STPG2: variants seen among roughly 807,000 people sequenced by gnomAD.
The protein encoded by STPG2 is sperm tail PG-rich repeat containing 2.
STPG2 carries 56 observed loss-of-function variants against 54.2 expected under a neutral mutation model. That is an observed-to-expected ratio of 1.03 (90% confidence interval 0.83 to 1.29). The LOEUF (loss-of-function observed/expected upper bound fraction) is 1.29, where lower values mean the gene tolerates loss of function less well. Ranked by LOEUF, STPG2 falls within the 50% of genes most tolerant of loss-of-function variation. The pLI, the probability that STPG2 is intolerant of heterozygous loss-of-function variation, is 0.00. For synonymous variants in STPG2, 200 were observed against 181.8 expected (o/e 1.10, Z -0.81); for missense variants, 596 against 544.9 (o/e 1.09, Z -0.93).
chr4:97,843,476 C>G (rs1195740476), intron 8 of STPG2, among the ~76,000 whole-genome samples: 2 of 151,900 alleles, frequency 1.3e-5, no homozygotes, highest in African/African-American at 4.8e-5. Context: ...TGTTTTCTGA[C>G]ACATAAGGAG....
intron 8 of STPG2, among the ~76,000 whole-genome samples, chr4:97,862,940 C>A (rs1180932362): frequency 6.6e-6 from 1 of 152,042 alleles, no homozygotes; most frequent in African/African-American, 2.4e-5. Context: ...GGGACACATT[C>A]AAAGCAGTGT....
intron 10 of STPG2, among the ~76,000 whole-genome samples, chr4:97,647,464 C>A (rs1721943083): frequency 6.6e-6 from 1 of 152,136 alleles, no homozygotes; most frequent in Non-Finnish European, 1.5e-5. Context: ...CTACTGCAGC[C>A]TACCTCCATC....
At chr4:97,589,849 C>A (rs1480787935) in intron 10 of STPG2, among the ~76,000 whole-genome samples, 1 of 152,162 alleles carries the variant, frequency 6.6e-6, no homozygotes, top group Non-Finnish European at 1.5e-5. Flanking sequence ...ACACTTACCA[C>A]TGTGTTACAA....
chr4:97,995,273 C>A (rs1735167746), intron 5 of STPG2, among the ~76,000 whole-genome samples: 1 of 151,192 alleles, frequency 6.6e-6, no homozygotes, highest in Admixed American at 6.6e-5. Flanking sequence ...AGAAAGCAAG[C>A]TGACTCACAG....
At chr4:97,579,384 T>C (rs1419091015) in intron 10 of STPG2, among the ~76,000 whole-genome samples, 1 of 152,058 alleles carries the variant, frequency 6.6e-6, no homozygotes, top group Non-Finnish European at 1.5e-5. Flanking sequence ...TTTCTAAGCA[T>C]CTTAGAAAAA....
intron 10 of STPG2, among the ~76,000 whole-genome samples, chr4:97,701,672 A>G (rs1001294918): frequency 2.6e-5 from 4 of 152,082 alleles, no homozygotes; most frequent in African/African-American, 4.8e-5. Flanking sequence ...TGTCCATTCA[A>G]CCTAGAAGGT....
chr4:98,137,614 A>G (rs1010733332), intron 1 of STPG2, among the ~76,000 whole-genome samples: 1 of 151,850 alleles, frequency 6.6e-6, no homozygotes, highest in African/African-American at 2.4e-5. Context: ...TATGAAAACT[A>G]AGAAAGTGAA....
intron 8 of STPG2, among the ~76,000 whole-genome samples, chr4:97,937,293 G>T (rs1732782062): frequency 6.6e-6 from 1 of 151,892 alleles, no homozygotes; most frequent in Non-Finnish European, 1.5e-5. Flanking sequence ...TTTTATCATG[G>T]TTCTCAGCTT....
At chr4:97,989,329 ATTC>A (rs934771126) in intron 5 of STPG2, among the ~76,000 whole-genome samples, 7 of 152,170 alleles carry the variant, frequency 4.6e-5, no homozygotes, top group African/African-American at 1.4e-4. Context: ...GATATGCCGT[ATTC>A]TTCTTCTCCC....
At chr4:97,799,707 T>C (rs1033471976) in intron 9 of STPG2, among the ~76,000 whole-genome samples, 1 of 152,160 alleles carries the variant, frequency 6.6e-6, no homozygotes, top group African/African-American at 2.4e-5. Flanking sequence ...TTCTCTGTAT[T>C]TCCTGAATTT....
chr4:97,849,079 A>G lies in STPG2; in HGVS notation c.1045-8147T>C, dbSNP rs550098288. On this transcript the variant is annotated intron_variant, in intron 8 of 10. Transcript: ENST00000295268. ...GATGGGGATGGCATTGAATATGTAA[A>G]TTACCTTGGGCAGTATGGCCATTTT... Among the ~76,000 whole-genome samples, 462 of 151,334 alleles carry G rather than the reference A, an allele frequency of 3.1e-3. 13 individuals carry two copies. The highest frequency in any genetic ancestry group is 0.026 in the Admixed American group (388 of 15,162).
At chr4:97,471,007 C>T (rs745774195) in intron 4 of STPG2, among the ~76,000 whole-genome samples, 1 of 151,990 alleles carries the variant, frequency 6.6e-6, no homozygotes, top group Non-Finnish European at 1.5e-5. Flanking sequence ...CAGACAGTGT[C>T]GATGTCAATG....
chr4:98,010,140 A>C, intron 5 of STPG2, among the ~76,000 whole-genome samples: 1 of 151,560 alleles, frequency 6.6e-6, no homozygotes, highest in African/African-American at 2.4e-5. Context: ...CTTTCCTACT[A>C]ACTTTTGGTT....
At chr4:97,595,144 T>G (rs141220623) in intron 10 of STPG2, among the ~76,000 whole-genome samples, 1 of 152,180 alleles carries the variant, frequency 6.6e-6, no homozygotes, top group Non-Finnish European at 1.5e-5. Context: ...TAAAGACACA[T>G]GCACACATAT....
chr4:97,919,764 C>T (rs1732027430), intron 8 of STPG2, among the ~76,000 whole-genome samples: 1 of 151,980 alleles, frequency 6.6e-6, no homozygotes, highest in Non-Finnish European at 1.5e-5. Flanking sequence ...TGGAAAAAAC[C>T]TAGTAAAAAC....
At chr4:97,571,710 A>T (rs1289921608) in intron 10 of STPG2, among the ~76,000 whole-genome samples, 1 of 152,164 alleles carries the variant, frequency 6.6e-6, no homozygotes, top group African/African-American at 2.4e-5. Context: ...TGATAGATGT[A>T]TCATGCCTCC....
chr4:97,462,916 A>G (rs1729699528), intron 4 of STPG2, among the ~76,000 whole-genome samples: 1 of 152,098 alleles, frequency 6.6e-6, no homozygotes, highest in South Asian at 2.1e-4. Context: ...ATGACTTCCC[A>G]GTGACACACA....
intron 4 of STPG2, chr4:97,441,632 A>G (rs1169727174): frequency 6.6e-6 from 1 of 152,028 alleles, no homozygotes; most frequent in Non-Finnish European, 1.5e-5. Flanking sequence ...TAGTTAAATT[A>G]CTTCTAATAA....
intron 8 of STPG2, among the ~76,000 whole-genome samples, chr4:97,897,750 G>A: frequency 6.6e-6 from 1 of 151,890 alleles, no homozygotes. Context: ...TTTTTAATGG[G>A]GTTTTGTTTT....
Sources: allele counts gnomAD v4.1 joint callset (sites outside exome capture counted in the v4.1 genomes callset), GRCh38; gene constraint gnomAD v4.1.1; transcripts MANE v1.5; gene names NCBI Gene and HGNC (gene_info 2026-07-23, HGNC 2026-07-21).